The following ARHGEF18 variants were observed in gnomAD, a reference collection of about 807,000 sequenced individuals.
ARHGEF18 encodes Rho/Rac guanine nucleotide exchange factor 18, also known as rho guanine nucleotide exchange factor 18.
Under a neutral mutation model 155.7 loss-of-function variants are expected in ARHGEF18, and 93 were observed. The observed-to-expected ratio is 0.60, with a 90% CI of 0.50 to 0.71. The LOEUF is 0.71. Ranked by LOEUF, ARHGEF18 falls within the 30% of genes least tolerant of loss-of-function variation. The probability of loss-of-function intolerance (pLI) is 0.00; values close to 1 mark genes in which losing one functional copy is unlikely to be tolerated. For missense variants in ARHGEF18, 1,593 were observed against 1,816.1 expected (o/e 0.88, Z 2.23); for synonymous variants, 742 against 753.1 (o/e 0.99, Z 0.24).
Position 7,382,807 on chromosome 19 carries a change from TG to T in ARHGEF18, c.740del (p.Gly247AlafsTer12). On this transcript the variant is annotated frameshift_variant, in exon 9 of 29. Coordinates refer to ENST00000668164, the MANE Select transcript of ARHGEF18 (RefSeq NM_001367823.1). LOFTEE classifies it high-confidence loss of function. ...CGTCCCTCAGGAGCGAGGACGGTGC[TG>T]GCAAGAACGAGAAGAGTGACAAGAG... is the stretch of plus-strand genomic sequence containing the variant. ...EFLSESEDGA[G>X]KNEKSDKSTS... 1.1e-5 allele frequency: 14 copies of T among 1,232,492 alleles called. No individual in the cohort carries two copies. The highest frequency in any genetic ancestry group is 1.4e-5 in the Non-Finnish European group (14 of 988,072). The allele number at this position is 1,232,492 out of a possible 1,614,324, so 76.3% of individuals were successfully genotyped here.
Position 7,441,651 on chromosome 19 carries a change from A to C in ARHGEF18, c.1107-2A>C, listed in dbSNP as rs1488247022. On this transcript the variant is annotated splice_acceptor_variant, in intron 11 of 28. Transcript: ENST00000668164. LOFTEE classifies it high-confidence loss of function. ...ACAATTGTTTTTATTGTTTGCACTC[A>C]GACCAATCACAGGAGAGATGGATGA... is the stretch of plus-strand genomic sequence containing the variant. 6.2e-7 allele frequency: 1 copy of C among 1,613,328 alleles called. No homozygotes were observed. Among genetic ancestry groups the C allele is most frequent in the Non-Finnish European group, 8.5e-7 (1 of 1,179,290 alleles).
At chr19:7,368,995 A>C (rs1453037555) in intron 2 of ARHGEF18, among the ~76,000 whole-genome samples, 1 of 152,160 alleles carries the variant, frequency 6.6e-6, no homozygotes, top group East Asian at 1.9e-4. Context: ...AGATTCAAGA[A>C]GGCAGGCTGT....
intron 22 of ARHGEF18, among the ~76,000 whole-genome samples, chr19:7,464,238 A>C (rs1976477090): frequency 6.6e-6 from 1 of 152,042 alleles, no homozygotes; most frequent in Admixed American, 6.6e-5. Flanking sequence ...GGGTTTCACC[A>C]TGTTGGCCAG....
At chr19:7,370,774 A>G (rs1286441230) in intron 2 of ARHGEF18, among the ~76,000 whole-genome samples, 1 of 152,318 alleles carries the variant, frequency 6.6e-6, no homozygotes, top group South Asian at 2.1e-4. Context: ...CACATGCTGC[A>G]ACGTGGAGGA....
At position 7,407,961 on chromosome 19, in the gene ARHGEF18, CAAAAAAAAAAAAAA is replaced by C. The variant is rs71179104; in HGVS notation, c.967+24771_967+24784del. On this transcript the variant is annotated intron_variant, in intron 10 of 28. Coordinates refer to ENST00000668164, the MANE Select transcript of ARHGEF18 (RefSeq NM_001367823.1). Reference sequence around the variant, plus strand: ...TGGGCAACAGAGCGAGACTCCGTCTCAAAAAAAAAAAAAAAAAAAAAAAAAAGAGGTAGTAGGCT... The same window carrying C: ...TGGGCAACAGAGCGAGACTCCGTCTCAAAAAAAAAAAAGAGGTAGTAGGCT... 2.7e-4 allele frequency among the ~76,000 whole-genome samples: 13 copies of C among 48,824 alleles called. No individual in the cohort carries two copies. The East Asian group carries it at 4.0e-3, about 15-fold the overall frequency. 32.0% of individuals were successfully genotyped at this position (48,824 alleles called of 152,430 possible).
rs996820299 is a variant in ARHGEF18, at chr19:7,395,029, G to A, written c.967+11826G>A. The A allele has an allele frequency of 3.0e-6, 3 of 984,304 alleles. No individual in the cohort carries two copies. The highest frequency in any genetic ancestry group is 3.6e-6 in the Non-Finnish European group (3 of 828,898). 61.0% of individuals were successfully genotyped at this position (984,304 alleles called of 1,614,324 possible). On this transcript the variant is annotated intron_variant, in intron 10 of 28. Transcript: ENST00000668164. This position sits in a 1 kb window ranked among gnomAD's most constrained non-coding sequence, Gnocchi z 5.0. ...GAGCAGCAGCCCCAGGTCCCCGGGA[G>A]CGCCCCGCCCTCGAGGGCACGCCTC...
chr19:7,419,813 C>T (rs574940621), intron 10 of ARHGEF18, among the ~76,000 whole-genome samples: 18 of 152,094 alleles, frequency 1.2e-4, no homozygotes, highest in Non-Finnish European at 1.9e-4. Flanking sequence ...TGGCCCTTAC[C>T]TCTTCTTCAT....
intron 26 of ARHGEF18, 29 bp from the exon 27 acceptor site, chr19:7,468,796 A>T: frequency 6.6e-7 from 1 of 1,506,968 alleles, no homozygotes. Context: ...GGAACCTCAC[A>T]TTGGATGTAT....
intron 10 of ARHGEF18, among the ~76,000 whole-genome samples, chr19:7,426,173 T>C (rs961833858): frequency 6.6e-6 from 1 of 151,830 alleles, no homozygotes; most frequent in Non-Finnish European, 1.5e-5. Flanking sequence ...AGCAAGACCC[T>C]GTCTCAAAAA....
At chr19:7,374,442 C>G (rs1273895952) in intron 3 of ARHGEF18, among the ~76,000 whole-genome samples, 1 of 151,562 alleles carries the variant, frequency 6.6e-6, no homozygotes, top group Admixed American at 6.6e-5. Context: ...TTTGGGAGGC[C>G]AAGGCGGGTG....
At chr19:7,421,635 G>T (rs986320166) in intron 10 of ARHGEF18, among the ~76,000 whole-genome samples, 3 of 152,126 alleles carry the variant, frequency 2.0e-5, no homozygotes, top group African/African-American at 7.2e-5. Context: ...GGTGGTGCAC[G>T]CCTGTAATCC....
Position 7,375,799 on chromosome 19 carries a change from G to A in ARHGEF18, c.355G>A (p.Gly119Arg), listed in dbSNP as rs1970434721. Residue 119 changes from glycine to arginine, a missense_variant, in exon 4 of 29, where the codon GGA becomes AGA. Coordinates refer to ENST00000668164, the MANE Select transcript of ARHGEF18 (RefSeq NM_001367823.1). ...GGCCAGCCTTGCTTTGAACCTGCCA[G>A]GAGGAGGGCTGAAGACCTGGACTCA... ...TLASLALNLP[G>R]GGLKTWTQGC... 1 of 1,234,554 alleles carries A rather than the reference G, an allele frequency of 8.1e-7. No homozygotes were observed. The allele number at this position is 1,234,554 out of a possible 1,614,324, so 76.5% of individuals were successfully genotyped here.
chr19:7,451,390 G>A, intron 16 of ARHGEF18, 124 bp downstream of exon 16: 1 of 713,618 alleles, frequency 1.4e-6, no homozygotes, highest in East Asian at 3.1e-5. Flanking sequence ...TTTGCTGGGT[G>A]CTGGGGTTCC....
At chr19:7,424,584 T>C (rs982928465) in intron 10 of ARHGEF18, among the ~76,000 whole-genome samples, 2 of 152,162 alleles carry the variant, frequency 1.3e-5, no homozygotes, top group African/African-American at 4.8e-5. Context: ...TAACTGAACA[T>C]GTACACCCGT....
chr19:7,474,296 C>T (rs963900350), downstream of ARHGEF18, among the ~76,000 whole-genome samples: 2 of 151,396 alleles, frequency 1.3e-5, no homozygotes, highest in African/African-American at 2.4e-5. Flanking sequence ...CGAGACTGCA[C>T]GATTGCACTC....
intron 10 of ARHGEF18, among the ~76,000 whole-genome samples, chr19:7,419,259 C>T (rs116672017): frequency 0.015 from 1,705 of 116,882 alleles, 75 homozygotes; most frequent in African/African-American, 0.05. Context: ...ACTCGGCCTC[C>T]GCACCCCAGG....
the ARHGEF18 span, among the ~76,000 whole-genome samples, chr19:7,479,164 T>C: frequency 6.6e-6 from 1 of 152,142 alleles, no homozygotes; most frequent in Non-Finnish European, 1.5e-5. Context: ...AAAACACTGA[T>C]TCCTGGGCTC....
At chr19:7,441,802 G>GTTCCT (rs1456458738) in intron 12 of ARHGEF18, 37 bp downstream of exon 12, 7 of 1,613,430 alleles carry the variant, frequency 4.3e-6, no homozygotes, top group Non-Finnish European at 5.1e-6. Flanking sequence ...CTGCCACACA[G>GTTCCT]TTCCTGTCTC....
chr19:7,397,668 G>T (rs930617792), intron 10 of ARHGEF18, among the ~76,000 whole-genome samples: 29 of 152,078 alleles, frequency 1.9e-4, no homozygotes, highest in African/African-American at 6.7e-4. Flanking sequence ...GGGAGGTAGA[G>T]GTTGCAGTGA....
Sources: allele counts gnomAD v4.1 joint callset (sites outside exome capture counted in the v4.1 genomes callset), GRCh38; gene constraint gnomAD v4.1.1; non-coding constraint Gnocchi (gnomAD v3.1); transcripts MANE v1.5; gene names NCBI Gene and HGNC (gene_info 2026-07-23, HGNC 2026-07-21).